The following RGS16 variants were observed in gnomAD, a reference collection of about 807,000 sequenced individuals.
RGS16 encodes regulator of G protein signaling 16.
In RGS16, 12 loss-of-function variants were observed where a neutral mutation model predicts 18.1. The observed-to-expected ratio is 0.66, with a 90% CI of 0.42 to 1.07. RGS16 has a LOEUF of 1.07. Among genes scored for constraint, RGS16 ranks in the 50% least tolerant of loss-of-function variants. The pLI is 0.00. For synonymous variants in RGS16, 88 were observed against 102.0 expected (o/e 0.86, Z 0.83); for missense variants, 238 against 249.2 (o/e 0.95, Z 0.30).
intron 1 of RGS16, 107 bp from the exon 2 acceptor site, chr1:182,603,446 C>A (rs1489470070): frequency 2.5e-6 from 2 of 813,450 alleles, no homozygotes; most frequent in Admixed American, 2.3e-5. Context: ...CAAACTTTAG[C>A]CTCAAGAGTT....
At chr1:182,603,410 C>G in intron 1 of RGS16, 71 bp from the exon 2 acceptor site, 5 of 1,296,602 alleles carry the variant, frequency 3.9e-6, no homozygotes, top group Middle Eastern at 1.8e-4. Flanking sequence ...TTTATGGGTC[C>G]CAGAAGAGCT....
At chr1:182,603,846 G>A (rs1661908048) in intron 1 of RGS16, among the ~76,000 whole-genome samples, 1 of 152,100 alleles carries the variant, frequency 6.6e-6, no homozygotes. Flanking sequence ...TGTCTTCCAG[G>A]GGCAGAGGAG....
chr1:182,600,422 C>T lies in RGS16; in HGVS notation c.479G>A (p.Arg160His), dbSNP rs780714335. 14 of 1,613,882 alleles carry T rather than the reference C, an allele frequency of 8.7e-6. No homozygotes were observed. The highest frequency in any genetic ancestry group is 2.2e-5 in the South Asian group (2 of 91,074). The change falls in exon 5 of 5, where the codon CGT (arginine) becomes CAT (histidine). Residue 160 changes from arginine (R) to histidine (H), a missense_variant. Arg to His is a conservative substitution (Grantham distance 29). Coordinates refer to ENST00000367558, the MANE Select transcript of RGS16 (RefSeq NM_002928.4). ...TCFDAAQGKT[R>H]TLMEKDSYPR... is the part of the protein sequence containing the mutation. ...GTAGGAGTCCTTCTCCATCAGGGTA[C>T]GTGTCTTCCCCTGAGCCGCATCAAA...
chr1:182,601,915 G>T (rs1557866012), intron 4 of RGS16, 51 bp downstream of exon 4: 1 of 1,605,926 alleles, frequency 6.2e-7, no homozygotes. Context: ...TCTCAGAGGG[G>T]AAGGAGCAGG....
Position 182,602,055 on chromosome 1 carries a change from C to T in RGS16, c.298G>A (p.Glu100Lys). 1 of 1,614,168 alleles carries T rather than the reference C, an allele frequency of 6.2e-7. No individual in the cohort carries two copies. Among genetic ancestry groups the T allele is most frequent in the Non-Finnish European group, 8.5e-7 (1 of 1,180,026 alleles). Residue 100 changes from glutamate to lysine, a missense_variant, in exon 4 of 5, where the codon GAG (glutamate) becomes AAG (lysine). Physicochemically the swap from Glu to Lys is moderately conservative, Grantham distance 56. Transcript: ENST00000367558. The stretch of plus-strand genomic sequence containing the variant: ...GTAGCTGATCGGATCTTCTTGAACT[C>T]CTCACAGGCCAGCCAGAACTCCAGG... Reference protein sequence around the residue: ...ENLEFWLACEEFKKIRSATKL... With the variant: ...ENLEFWLACEKFKKIRSATKL...
At position 182,602,485 on chromosome 1, in the gene RGS16, C is replaced by T; in HGVS notation, c.156-1G>A. On this transcript the variant is annotated splice_acceptor_variant, in intron 2 of 4. Transcript: ENST00000367558. LOFTEE classifies it high-confidence loss of function. ...CAGCACATCTTCTGAGAAGTTTCTA[C>T]TAAAAGACAAAAAGAAAAAAAAAGA... The T allele has an allele frequency of 6.2e-7, 1 of 1,611,348 alleles. No individual in the cohort carries two copies. The highest frequency in any genetic ancestry group is 8.5e-7 in the Non-Finnish European group (1 of 1,178,870).
chr1:182,602,186 T>A (rs1443646398), intron 3 of RGS16, 54 bp from the exon 4 acceptor site: 1 of 1,582,442 alleles, frequency 6.3e-7, no homozygotes. Flanking sequence ...CAGCAGGGAA[T>A]ACAAGAAGAA....
At chr1:182,604,184 T>C in intron 1 of RGS16, 32 bp downstream of exon 1, 1 of 1,551,200 alleles carries the variant, frequency 6.4e-7, no homozygotes, top group African/African-American at 1.4e-5. Flanking sequence ...TTGGTGGGAC[T>C]TCCCCCAAGC....
At chr1:182,604,090 G>T in intron 1 of RGS16, 126 bp downstream of exon 1, 1 of 879,082 alleles carries the variant, frequency 1.1e-6, no homozygotes, top group Admixed American at 2.5e-5. Context: ...CATCAAGTGC[G>T]CTTCTACCTC....
At position 182,600,191 on chromosome 1, in the gene RGS16, G is replaced by C; in HGVS notation, c.*101C>G. The C allele has an allele frequency of 3.4e-6, 1 of 293,786 alleles. No individual in the cohort carries two copies. Among genetic ancestry groups the C allele is most frequent in the Non-Finnish European group, 5.9e-6 (1 of 168,306 alleles). 18.2% of individuals were successfully genotyped at this position (293,786 alleles called of 1,614,324 possible). The stretch of plus-strand genomic sequence containing the variant: ...TTTTTTTTTTTTTTTTTGTCCTCTT[G>C]CACTTGCTTTGCAGAACCTGCCTCC... On this transcript the variant is annotated 3_prime_UTR_variant, in exon 5 of 5. Transcript: ENST00000367558.
At chr1:182,600,554 G>A (rs761676391) in intron 4 of RGS16, 41 bp from the exon 5 acceptor site, 5 of 1,575,280 alleles carry the variant, frequency 3.2e-6, no homozygotes, top group Non-Finnish European at 4.4e-6. Context: ...TTGGGGAAGA[G>A]GGTGGGCATG....
intron 1 of RGS16, 23 bp from the exon 2 acceptor site, chr1:182,603,362 G>T: frequency 6.3e-7 from 1 of 1,584,432 alleles, no homozygotes; most frequent in Non-Finnish European, 8.7e-7. Flanking sequence ...TCAGGAACAT[G>T]AAAGCATTCT....
chr1:182,601,850 C>G, intron 4 of RGS16, 116 bp downstream of exon 4: 1 of 1,300,554 alleles, frequency 7.7e-7, no homozygotes, highest in Non-Finnish European at 1.1e-6. Context: ...CACCCCTGTG[C>G]CAAGTAAGGC....
rs372157932 is a variant in RGS16, at chr1:182,603,282, G to A, written c.102C>T (p.Cys34=). 13 of 1,613,960 alleles carry A rather than the reference G, an allele frequency of 8.1e-6. No homozygotes were observed. In the East Asian group the frequency reaches 1.1e-4, roughly 14 times the overall value. ...CGAACTTGCCAGTACTCCCAGTATC[G>A]CAGCCCAGCTCTGATTTGTGAAGAA... is the stretch of plus-strand genomic sequence containing the variant. ...GIFLHKSELG[C]DTGSTGKFEW... Residue 34 remains cysteine (C), a synonymous_variant, in exon 2 of 5, where the codon TGC becomes TGT. Coordinates refer to ENST00000367558, the MANE Select transcript of RGS16 (RefSeq NM_002928.4).
In RGS16 at chr1:182,600,343, G is replaced by A. The variant is rs749741216; in HGVS notation, c.558C>T (p.Ala186=). ...AYRDLAAQAS[A]ASATLSSCSL... The stretch of plus-strand genomic sequence containing the variant: ...TGCAGCTGGACAGAGTGGCAGAGGC[G>A]GCTGAGGCTTGGGCAGCCAGGTCCC... The change falls in exon 5 of 5, where the codon GCC becomes GCT. Residue 186 remains alanine, a synonymous_variant. Coordinates refer to ENST00000367558, the MANE Select transcript of RGS16 (RefSeq NM_002928.4). The A allele has an allele frequency of 1.7e-5, 28 of 1,613,934 alleles. No homozygotes were observed. The Middle Eastern group carries it at 4.9e-4, about 29-fold the overall frequency.
At position 182,600,211 on chromosome 1, in the gene RGS16, G is replaced by T; in HGVS notation, c.*81C>A. The T allele has an allele frequency of 1.3e-6, 1 of 756,792 alleles. No homozygotes were observed. The highest frequency in any genetic ancestry group is 2.1e-6 in the Non-Finnish European group (1 of 480,954). The allele number at this position is 756,792 out of a possible 1,614,324, so 46.9% of individuals were successfully genotyped here. On this transcript the variant is annotated 3_prime_UTR_variant, in exon 5 of 5. Coordinates refer to ENST00000367558, the MANE Select transcript of RGS16 (RefSeq NM_002928.4). ...CTCTTGCACTTGCTTTGCAGAACCT[G>T]CCTCCCACACAGGGGCAGCCACCTC...
rs1413265553 is a variant in RGS16, at chr1:182,602,013, C to T, written c.340G>A (p.Ala114Thr). The T allele has an allele frequency of 6.2e-7, 1 of 1,614,162 alleles. No individual in the cohort carries two copies. Among genetic ancestry groups the T allele is most frequent in the Non-Finnish European group, 8.5e-7 (1 of 1,180,040 alleles). The change falls in exon 4 of 5, where the codon GCA becomes ACA. Residue 114 changes from alanine to threonine, a missense_variant. Coordinates refer to ENST00000367558, the MANE Select transcript of RGS16 (RefSeq NM_002928.4). Reference sequence around the variant, plus strand: ...ATGAACTCCTCAAAGATCTGGTGTGCCCTGGAGGCCAGCTTGGTAGCTGAT... The same window carrying T: ...ATGAACTCCTCAAAGATCTGGTGTGTCCTGGAGGCCAGCTTGGTAGCTGAT... ...IRSATKLASR[A>T]HQIFEEFICS...
chr1:182,602,040 G>A lies in RGS16; in HGVS notation c.313C>T (p.Arg105Ter), dbSNP rs757610509. 11 of 1,613,998 alleles carry A rather than the reference G, an allele frequency of 6.8e-6. No individual in the cohort carries two copies. Among genetic ancestry groups the A allele is most frequent in the East Asian group, 4.5e-5 (2 of 44,890 alleles). The stretch of plus-strand genomic sequence containing the variant: ...CTGGAGGCCAGCTTGGTAGCTGATC[G>A]GATCTTCTTGAACTCCTCACAGGCC... ...WLACEEFKKI[R>*]SATKLASRAH... Residue 105 changes from arginine (R) to a stop codon, truncating the protein, a stop_gained, in exon 4 of 5, where the codon CGA becomes TGA. Coordinates refer to ENST00000367558, the MANE Select transcript of RGS16 (RefSeq NM_002928.4). LOFTEE classifies it high-confidence loss of function.
In RGS16 at chr1:182,600,369, G is replaced by C. The variant is rs149776657; in HGVS notation, c.532C>G (p.Arg178Gly). ...GCTGAGGCTTGGGCAGCCAGGTCCC[G>C]GTAAGCAGGCGACTTCAGGAAGCGT... is the stretch of plus-strand genomic sequence containing the variant. ...YPRFLKSPAY[R>G]DLAAQASAAS... is the part of the protein sequence containing the mutation. The change falls in exon 5 of 5, where the codon CGG (arginine) becomes GGG (glycine). Residue 178 changes from arginine to glycine, a missense_variant. Arg to Gly is a moderately radical substitution (Grantham distance 125, BLOSUM62 -2). Transcript: ENST00000367558. 9 of 1,613,788 alleles carry C rather than the reference G, an allele frequency of 5.6e-6. No individual in the cohort carries two copies. The African/African-American group carries it at 1.1e-4, about 19-fold the overall frequency.
Sources: gnomAD v4.1 joint callset for allele counts (sites outside exome capture counted in the v4.1 genomes callset) on GRCh38, gnomAD v4.1.1 for gene constraint, MANE v1.5 for transcripts, NCBI Gene and HGNC (gene_info 2026-07-23, HGNC 2026-07-21) for gene names.